DOCK8: variants seen among roughly 807,000 people sequenced by gnomAD.
DOCK8 encodes the protein dedicator of cytokinesis 8.
In DOCK8, 141 loss-of-function variants were observed where a neutral mutation model predicts 245.6. The observed-to-expected ratio is 0.57, with a 90% CI of 0.50 to 0.66. The LOEUF is 0.66. Among genes scored for constraint, DOCK8 ranks in the 30% least tolerant of loss-of-function variants. The probability of loss-of-function intolerance (pLI) is 0.00; values close to 1 mark genes in which losing one functional copy is unlikely to be tolerated. For missense variants in DOCK8, 2,965 were observed against 2,603.4 expected, an observed-to-expected ratio of 1.14 and a Z score of -3.02; for synonymous variants, 1,168 against 970.2, an observed-to-expected ratio of 1.20 and a Z score of -3.79.
chr9:258,376 A>C (rs517616), intron 1 of DOCK8, among the ~76,000 whole-genome samples: 59,847 of 151,832 alleles, frequency 0.39, 12,375 homozygotes, highest in East Asian at 0.79. Flanking sequence ...GGAGCTGGCT[A>C]TGCTGGGACA....
chr9:453,964 G>C (rs536396208), intron 46 of DOCK8, among the ~76,000 whole-genome samples: 1 of 152,330 alleles, frequency 6.6e-6, no homozygotes, highest in East Asian at 1.9e-4. Flanking sequence ...GGACTACAGA[G>C]ATCTGGCTTG....
At chr9:365,056 C>A (rs1260671142) in intron 14 of DOCK8, among the ~76,000 whole-genome samples, 3 of 152,168 alleles carry the variant, frequency 2.0e-5, no homozygotes, top group Non-Finnish European at 4.4e-5. Context: ...AAAAGGCCAG[C>A]ATGGGAGAAT....
Position 414,772 on chromosome 9 carries a change from G to C in DOCK8, c.3531-10G>C, listed in dbSNP as rs760907119. On this transcript the variant is annotated splice_polypyrimidine_tract_variant and intron_variant, in intron 28 of 47. Coordinates refer to ENST00000432829, the MANE Select transcript of DOCK8 (RefSeq NM_203447.4). Reference sequence around the variant, plus strand: ...ACCATAACCTCTTGATTCCTGTGTTGTGCCAACAGAATCAGCAAAGTACAA... The same window carrying C: ...ACCATAACCTCTTGATTCCTGTGTTCTGCCAACAGAATCAGCAAAGTACAA... 1.1e-5 allele frequency: 17 copies of C among 1,613,968 alleles called. No homozygotes were observed. In the East Asian group the frequency reaches 3.8e-4, roughly 36 times the overall value.
intron 26 of DOCK8, among the ~76,000 whole-genome samples, chr9:402,753 C>G (rs2055170234): frequency 6.6e-6 from 1 of 152,226 alleles, no homozygotes; most frequent in African/African-American, 2.4e-5. Flanking sequence ...CAATTACTGT[C>G]TGTCACTTAC....
intron 1 of DOCK8, among the ~76,000 whole-genome samples, chr9:258,691 G>A (rs1393518375): frequency 4.8e-5 from 7 of 144,736 alleles, no homozygotes; most frequent in Admixed American, 4.5e-4. Flanking sequence ...TCTGCCTCCC[G>A]GGTTCAAGCA....
At chr9:397,572 C>G (rs536638191) in intron 25 of DOCK8, among the ~76,000 whole-genome samples, 1 of 151,048 alleles carries the variant, frequency 6.6e-6, no homozygotes, top group South Asian at 2.1e-4. Flanking sequence ...TACCTGTAAT[C>G]CCAGCTTCTC....
At chr9:244,615 A>G (rs1186773943) in intron 1 of DOCK8, among the ~76,000 whole-genome samples, 2 of 152,228 alleles carry the variant, frequency 1.3e-5, no homozygotes, top group East Asian at 3.8e-4. Context: ...TAGATCCCAT[A>G]CAACACCTAT....
chr9:421,857 T>C lies in DOCK8; in HGVS notation c.4154-191T>C, dbSNP rs560104928. ...GGCAGAGGTTCTTCTTATATTCTAG[T>C]CTATCAATCAAAGAGCGGGCCAACT... On this transcript the variant is annotated intron_variant, in intron 32 of 47. Transcript: ENST00000432829. Among the ~76,000 whole-genome samples the C allele has an allele frequency of 2.6e-5, 4 of 152,238 alleles. No individual in the cohort carries two copies. The East Asian group carries it at 7.7e-4, about 29-fold the overall frequency.
chr9:320,059 C>T (rs911247152), intron 7 of DOCK8, among the ~76,000 whole-genome samples: 1 of 152,204 alleles, frequency 6.6e-6, no homozygotes. Flanking sequence ...TCTTTTGCTT[C>T]AAAATGCTAG....
At chr9:455,953 G>A (rs1188448748) in intron 46 of DOCK8, among the ~76,000 whole-genome samples, 2 of 152,112 alleles carry the variant, frequency 1.3e-5, no homozygotes, top group African/African-American at 2.4e-5. Context: ...TTTGTGCCAG[G>A]CACTGTGCTA....
At chr9:367,554 A>G (rs1026417983) in intron 14 of DOCK8, among the ~76,000 whole-genome samples, 4 of 152,244 alleles carry the variant, frequency 2.6e-5, no homozygotes, top group East Asian at 1.9e-4. Flanking sequence ...CATCTTAGAT[A>G]AGAACAGAAA....
intron 2 of DOCK8, among the ~76,000 whole-genome samples, chr9:278,023 G>C (rs984970344): frequency 6.6e-6 from 1 of 152,138 alleles, no homozygotes; most frequent in African/African-American, 2.4e-5. Context: ...CAAGGGGTTG[G>C]GCTATTCTTA....
At chr9:400,923 TCACCACAACATCCAC>T (rs1564016380) in intron 26 of DOCK8, among the ~76,000 whole-genome samples, 1 of 22,266 alleles carries the variant, frequency 4.5e-5, no homozygotes, top group Non-Finnish European at 6.6e-5. Flanking sequence ...TCCTTCACCA[TCACCACAACATCCAC>T]CACCACCATC....
intron 36 of DOCK8, among the ~76,000 whole-genome samples, chr9:431,132 C>T (rs374496247): frequency 5.9e-5 from 9 of 152,074 alleles, no homozygotes; most frequent in South Asian, 4.1e-4. Context: ...CCTCAGCCCC[C>T]CAAAGTACTG....
At chr9:288,762 A>G (rs998622260) in intron 3 of DOCK8, among the ~76,000 whole-genome samples, 8 of 152,232 alleles carry the variant, frequency 5.3e-5, no homozygotes, top group African/African-American at 7.2e-5. Context: ...GATTTGGGCA[A>G]TTAGGGCCCA....
chr9:349,047 C>T (rs1218653230), intron 14 of DOCK8, among the ~76,000 whole-genome samples: 1 of 152,208 alleles, frequency 6.6e-6, no homozygotes, highest in Admixed American at 6.5e-5. Flanking sequence ...TCGTCTTATA[C>T]TTCCAGATCG....
At chr9:367,333 G>A (rs183246213) in intron 14 of DOCK8, among the ~76,000 whole-genome samples, 6 of 152,302 alleles carry the variant, frequency 3.9e-5, no homozygotes, top group Admixed American at 2.0e-4. Context: ...ATACATCAGT[G>A]AATCAAAAAC....
chr9:365,471 T>G, intron 14 of DOCK8: 1 of 410,396 alleles, frequency 2.4e-6, no homozygotes, highest in South Asian at 1.8e-5. Context: ...GTAAGTCACT[T>G]CTCAAAAATC....
chr9:438,533 A>G (rs896475473), intron 39 of DOCK8, among the ~76,000 whole-genome samples: 1 of 152,218 alleles, frequency 6.6e-6, no homozygotes, highest in Non-Finnish European at 1.5e-5. Flanking sequence ...ACTCACCCTC[A>G]GGGTCGAGCG....
Sources: gnomAD v4.1 joint callset for allele counts (sites outside exome capture counted in the v4.1 genomes callset) on GRCh38, gnomAD v4.1.1 for gene constraint, MANE v1.5 for transcripts, NCBI Gene and HGNC (gene_info 2026-07-23, HGNC 2026-07-21) for gene names.